ARL9: variants seen among roughly 807,000 people sequenced by gnomAD.
ARL9 encodes the protein ARF like GTPase 9.
Under a neutral mutation model 27.0 loss-of-function variants are expected in ARL9, and 14 were observed. The observed-to-expected ratio is 0.52, with a 90% CI of 0.34 to 0.81. The LOEUF (loss-of-function observed/expected upper bound fraction) is 0.81, where lower values mean the gene tolerates loss of function less well. ARL9 is among the 30% of genes least tolerant of loss of function. The pLI is 0.01. For synonymous variants in ARL9, 106 were observed against 108.7 expected, an observed-to-expected ratio of 0.98 and a Z score of 0.15; for missense variants, 294 against 290.0, an observed-to-expected ratio of 1.01 and a Z score of -0.10.
chr4:56,516,650 G>A (rs1721775095), intron 2 of ARL9, among the ~76,000 whole-genome samples: 1 of 151,796 alleles, frequency 6.6e-6, no homozygotes, highest in African/African-American at 2.4e-5. Context: ...AGAGGATGCA[G>A]CTGGGTGCAG....
intron 1 of ARL9, among the ~76,000 whole-genome samples, chr4:56,506,908 A>G (rs1721483244): frequency 6.8e-6 from 1 of 147,258 alleles, no homozygotes; most frequent in Admixed American, 6.8e-5. Flanking sequence ...CACCGCCCCC[A>G]TCTCCCAACC....
chr4:56,520,369 C>A (rs537200772), intron 3 of ARL9, among the ~76,000 whole-genome samples: 1 of 152,192 alleles, frequency 6.6e-6, no homozygotes, highest in East Asian at 1.9e-4. Context: ...ATGGATGAAC[C>A]TTGAGAACAT....
At chr4:56,523,311 C>T (rs1425570973) in intron 3 of ARL9, among the ~76,000 whole-genome samples, 1 of 152,150 alleles carries the variant, frequency 6.6e-6, no homozygotes, top group Non-Finnish European at 1.5e-5. Flanking sequence ...ATTGCTTGAA[C>T]GTGGGAGGCG....
At chr4:56,508,687 C>CT (rs1209475043) in intron 1 of ARL9, among the ~76,000 whole-genome samples, 2 of 152,204 alleles carry the variant, frequency 1.3e-5, no homozygotes, top group South Asian at 2.1e-4. Context: ...CACCGGCCTA[C>CT]TTTTTTTCAA....
intron 2 of ARL9, among the ~76,000 whole-genome samples, chr4:56,514,007 A>C (rs138692336): frequency 6.4e-4 from 98 of 152,168 alleles, no homozygotes; most frequent in Non-Finnish European, 1.3e-3. Flanking sequence ...CCATCTATAC[A>C]AAAAATATAA....
At chr4:56,521,546 C>T (rs901059805) in intron 3 of ARL9, among the ~76,000 whole-genome samples, 2 of 152,172 alleles carry the variant, frequency 1.3e-5, no homozygotes, top group African/African-American at 4.8e-5. Context: ...TTAGGTATCA[C>T]CAAGTTACTT....
intron 2 of ARL9, among the ~76,000 whole-genome samples, chr4:56,516,017 G>T (rs1364245483): frequency 6.6e-6 from 1 of 152,172 alleles, no homozygotes; most frequent in Non-Finnish European, 1.5e-5. Context: ...TAATAAGAAG[G>T]ATGGACTTGT....
At chr4:56,519,151 TA>T (rs1033717999) in intron 3 of ARL9, among the ~76,000 whole-genome samples, 34 of 152,290 alleles carry the variant, frequency 2.2e-4, no homozygotes, top group African/African-American at 7.2e-4. Context: ...CTACCATGTA[TA>T]AAAAAATCAT....
Position 56,518,763 on chromosome 4 carries a change from T to A in ARL9, c.528T>A (p.Asp176Glu). The A allele has an allele frequency of 6.2e-7, 1 of 1,614,024 alleles. No individual in the cohort carries two copies. Among genetic ancestry groups the A allele is most frequent in the Non-Finnish European group, 8.5e-7 (1 of 1,179,888 alleles). The change falls in exon 3 of 4, where the codon GAT becomes GAA. Residue 176 changes from aspartate (D) to glutamate (E), a missense_variant. Physicochemically the swap from Asp to Glu is conservative, Grantham distance 45 (BLOSUM62 2). Transcript: ENST00000640821. The part of the protein sequence containing the change: ...LLLIFVVDSA[D>E]HSRLPEAKKY... ...TGATCTTTGTGGTGGATTCAGCAGA[T>A]CACAGCCGATTACCTGAAGCCAAGA...
intron 3 of ARL9, among the ~76,000 whole-genome samples, chr4:56,522,369 C>T (rs1021479752): frequency 6.6e-6 from 1 of 150,740 alleles, no homozygotes; most frequent in Non-Finnish European, 1.5e-5. Flanking sequence ...TGCAGTGAGC[C>T]GAGATTGCAC....
chr4:56,508,716 T>C (rs1721539563), intron 1 of ARL9, among the ~76,000 whole-genome samples: 1 of 152,174 alleles, frequency 6.6e-6, no homozygotes, highest in South Asian at 2.1e-4. Flanking sequence ...ATTCACTATA[T>C]GGCCTTCATA....
At chr4:56,507,866 C>T (rs1359362848) in intron 1 of ARL9, among the ~76,000 whole-genome samples, 3 of 151,252 alleles carry the variant, frequency 2.0e-5, no homozygotes, top group East Asian at 4.0e-4. Context: ...ATCCCAGCTA[C>T]TCGGGAGGCT....
chr4:56,514,358 T>C (rs745550726), intron 2 of ARL9, among the ~76,000 whole-genome samples: 1 of 152,020 alleles, frequency 6.6e-6, no homozygotes, highest in Non-Finnish European at 1.5e-5. Context: ...ACGAAGCCAA[T>C]GAAATTGATG....
chr4:56,521,779 A>T (rs1361463694), intron 3 of ARL9, among the ~76,000 whole-genome samples: 1 of 152,146 alleles, frequency 6.6e-6, no homozygotes, highest in African/African-American at 2.4e-5. Context: ...TTGCCTATTA[A>T]TATGTTTTCC....
intron 1 of ARL9, 24 bp from the exon 2 acceptor site, chr4:56,511,161 T>C: frequency 6.6e-7 from 1 of 1,525,348 alleles, no homozygotes; most frequent in Non-Finnish European, 8.8e-7. Context: ...CATGGGCTTA[T>C]TGATTTATCT....
At position 56,506,048 on chromosome 4, in the gene ARL9, G is replaced by A. The variant is rs1221199792; in HGVS notation, c.186G>A (p.Lys62=). 7.3e-6 allele frequency: 9 copies of A among 1,230,890 alleles called. No homozygotes were observed. The East Asian group carries it at 2.8e-4, about 39-fold the overall frequency. The allele number at this position is 1,230,890 out of a possible 1,614,324, so 76.2% of individuals were successfully genotyped here. The change falls in exon 1 of 4, where the codon AAG becomes AAA. Residue 62 remains lysine, a synonymous_variant. Coordinates refer to ENST00000640821, the MANE Select transcript of ARL9 (RefSeq NM_001363794.2). ...EKEEKRTKQG[K]ETNKEKEQFK... ...AGGAAAAGAGGACAAAGCAAGGGAA[G>A]GAGACAAACAAAGAGAAGGAACAAT...
At chr4:56,509,105 G>A (rs531980998) in intron 1 of ARL9, among the ~76,000 whole-genome samples, 138 of 152,116 alleles carry the variant, frequency 9.1e-4, no homozygotes, top group Non-Finnish European at 1.7e-3. Flanking sequence ...CACCCTGTAC[G>A]ATCTTCACAC....
intron 3 of ARL9, 75 bp downstream of exon 3, chr4:56,518,928 T>G: frequency 7.6e-7 from 1 of 1,318,346 alleles, no homozygotes; most frequent in South Asian, 1.4e-5. Flanking sequence ...AATACCTAGA[T>G]AGTCAACAAT....
chr4:56,522,196 G>A (rs937909676), intron 3 of ARL9, among the ~76,000 whole-genome samples: 5 of 151,960 alleles, frequency 3.3e-5, no homozygotes, highest in Non-Finnish European at 5.9e-5. Flanking sequence ...CAAGGCGGGC[G>A]GAACACCTGA....
Sources: gnomAD v4.1 joint callset for allele counts (sites outside exome capture counted in the v4.1 genomes callset) on GRCh38, gnomAD v4.1.1 for gene constraint, MANE v1.5 for transcripts, NCBI Gene and HGNC (gene_info 2026-07-23, HGNC 2026-07-21) for gene names.